The following PKN2 variants were observed in gnomAD, a reference collection of about 807,000 sequenced individuals.
The protein encoded by PKN2 is serine/threonine-protein kinase N2.
Under a neutral mutation model 119.1 loss-of-function variants are expected in PKN2, and 38 were observed. The ratio of observed to expected loss-of-function variants is 0.32; its 90% CI spans 0.25 to 0.42. The LOEUF is 0.42. Among genes scored for constraint, PKN2 ranks in the 10% least tolerant of loss-of-function variants. PKN2 has a pLI of 1.00. For missense variants in PKN2, 850 were observed against 1,165.1 expected (o/e 0.73, Z 3.94); for synonymous variants, 390 against 384.9 (o/e 1.01, Z -0.15).
intron 1 of PKN2, among the ~76,000 whole-genome samples, chr1:88,708,816 G>A (rs1209252131): frequency 2.6e-5 from 4 of 151,752 alleles, no homozygotes; most frequent in Admixed American, 2.6e-4. Context: ...TGTAATATAT[G>A]TCACATTTTG....
intron 1 of PKN2, among the ~76,000 whole-genome samples, chr1:88,731,326 A>T (rs1163405744): frequency 1.3e-5 from 2 of 152,258 alleles, no homozygotes; most frequent in East Asian, 3.8e-4. Context: ...TTGGATTAGG[A>T]TGAAATTAGA....
At chr1:88,817,408 CAA>C (rs531465698) in intron 16 of PKN2, among the ~76,000 whole-genome samples, 22 of 84,702 alleles carry the variant, frequency 2.6e-4, no homozygotes, top group South Asian at 4.5e-4. Flanking sequence ...GACTCTGTCT[CAA>C]AAAAAAAAAA....
chr1:88,748,212 A>G (rs957109956), intron 2 of PKN2, among the ~76,000 whole-genome samples: 7 of 152,208 alleles, frequency 4.6e-5, no homozygotes, highest in Non-Finnish European at 4.4e-5. Context: ...AATAGTTCCA[A>G]TGCCCTATAC....
intron 1 of PKN2, among the ~76,000 whole-genome samples, chr1:88,723,854 G>T (rs1396535219): frequency 6.6e-6 from 1 of 152,150 alleles, no homozygotes; most frequent in African/African-American, 2.4e-5. Context: ...AGGATACTGA[G>T]CATATACACC....
At chr1:88,810,434 T>A (rs1296908198) in intron 15 of PKN2, among the ~76,000 whole-genome samples, 2 of 151,840 alleles carry the variant, frequency 1.3e-5, no homozygotes, top group Non-Finnish European at 2.9e-5. Flanking sequence ...GACTAGCATA[T>A]TTTTAAAAGT....
rs137936997 is a variant in PKN2, at chr1:88,755,314, A to T, written c.350-4908A>T. On this transcript the variant is annotated intron_variant, in intron 2 of 21. Transcript: ENST00000370521. The stretch of plus-strand genomic sequence containing the variant: ...ATTGGAGAGAAGAAAAGCAGTGTGT[A>T]GGAAGGCAGGTTAAAGAGGAAAATA... Among the ~76,000 whole-genome samples, 513 of 152,334 alleles carry T rather than the reference A, an allele frequency of 3.4e-3. 4 individuals are homozygous for T. Among genetic ancestry groups the T allele is most frequent in the African/African-American group, 0.012 (490 of 41,576 alleles).
At position 88,735,874 on chromosome 1, in the gene PKN2, C is replaced by T. The variant is rs536840876; in HGVS notation, c.49-5114C>T. Among the ~76,000 whole-genome samples, 6 of 152,134 alleles carry T rather than the reference C, an allele frequency of 3.9e-5. No homozygotes were observed. In the South Asian group the frequency reaches 1.2e-3, roughly 32 times the overall value. On this transcript the variant is annotated intron_variant, in intron 1 of 21. Transcript: ENST00000370521. ...CTGTACCTGGATAATTTGTATCTTT[C>T]TCTAGTTTTGGGAAGTTTTGTGTTA... is the stretch of plus-strand genomic sequence containing the variant.
chr1:88,828,924 CTAA>C (rs1466386434), intron 19 of PKN2: 6 of 623,618 alleles, frequency 9.6e-6, no homozygotes, highest in Non-Finnish European at 1.8e-5. Context: ...AACAGAAAGA[CTAA>C]TAAAAGGAAT....
intron 3 of PKN2, among the ~76,000 whole-genome samples, chr1:88,763,832 G>A (rs145478293): frequency 1.4e-4 from 21 of 152,188 alleles, no homozygotes; most frequent in East Asian, 3.9e-4. Context: ...TTCTTAGATC[G>A]GTTATGTGGA....
chr1:88,801,736 A>G (rs1431103336), intron 8 of PKN2, among the ~76,000 whole-genome samples: 3 of 152,260 alleles, frequency 2.0e-5, no homozygotes, highest in Non-Finnish European at 4.4e-5. Context: ...AGGATCTCTC[A>G]GCAAGGCAAT....
At position 88,726,068 on chromosome 1, in the gene PKN2, G is replaced by A. The variant is rs537703450; in HGVS notation, c.49-14920G>A. ...TGGCTCTTGTATTCTGTGATTTTGC[G>A]AACTCACTTATTGTAGATGTTTTCT... On this transcript the variant is annotated intron_variant, in intron 1 of 21. Transcript: ENST00000370521. Among the ~76,000 whole-genome samples the A allele has an allele frequency of 3.3e-5, 5 of 152,188 alleles. No individual in the cohort carries two copies. In the South Asian group the frequency reaches 1.0e-3, roughly 32 times the overall value.
In PKN2 at chr1:88,716,031, A is replaced by G. The variant is rs370428816; in HGVS notation, c.49-24957A>G. Among the ~76,000 whole-genome samples the G allele has an allele frequency of 4.8e-4, 73 of 152,160 alleles. 3 individuals carry two copies. The South Asian group carries it at 0.015, about 32-fold the overall frequency. On this transcript the variant is annotated intron_variant, in intron 1 of 21. Transcript: ENST00000370521. ...GGTTTCAAATAACTTGTTTATTTCTACCTTAATTTTTGTTATTTACCCAGT... is the reference window on the plus strand; with the variant it reads ...GGTTTCAAATAACTTGTTTATTTCTGCCTTAATTTTTGTTATTTACCCAGT...
chr1:88,820,776 T>C (rs908348808), intron 16 of PKN2, among the ~76,000 whole-genome samples: 2 of 152,140 alleles, frequency 1.3e-5, no homozygotes, highest in South Asian at 4.1e-4. Flanking sequence ...AGAGAAAATA[T>C]TCATGTTATT....
intron 1 of PKN2, among the ~76,000 whole-genome samples, chr1:88,695,964 G>C (rs993609450): frequency 6.6e-6 from 1 of 151,166 alleles, no homozygotes; most frequent in Non-Finnish European, 1.5e-5. Context: ...TTCTGTCTCA[G>C]TTATTCTGTT....
chr1:88,764,349 A>G (rs61409436), intron 3 of PKN2, among the ~76,000 whole-genome samples: 2,955 of 152,234 alleles, frequency 0.019, 94 homozygotes, highest in African/African-American at 0.066. Context: ...CTTCACTACT[A>G]TCCTAAGATA....
At chr1:88,725,147 G>C (rs1667849290) in intron 1 of PKN2, among the ~76,000 whole-genome samples, 1 of 152,034 alleles carries the variant, frequency 6.6e-6, no homozygotes. Flanking sequence ...AGAACATTGG[G>C]TTATTTCCAG....
At chr1:88,821,570 CT>C in intron 16 of PKN2, among the ~76,000 whole-genome samples, 1 of 152,284 alleles carries the variant, frequency 6.6e-6, no homozygotes, top group South Asian at 2.1e-4. Context: ...CATGTTACGC[CT>C]TTTGCACCTC....
At chr1:88,733,224 G>A (rs538384454) in intron 1 of PKN2, among the ~76,000 whole-genome samples, 15 of 152,170 alleles carry the variant, frequency 9.9e-5, no homozygotes, top group South Asian at 2.1e-4. Flanking sequence ...GGGATTTATC[G>A]GATCATGTGG....
chr1:88,697,422 G>C (rs1557545935), intron 1 of PKN2, among the ~76,000 whole-genome samples: 1 of 152,096 alleles, frequency 6.6e-6, no homozygotes, highest in South Asian at 2.1e-4. Context: ...TTATTTGACT[G>C]TTGCTTCAGT....
Sources: allele counts gnomAD v4.1 joint callset (sites outside exome capture counted in the v4.1 genomes callset), GRCh38; gene constraint gnomAD v4.1.1; transcripts MANE v1.5; gene names NCBI Gene and HGNC (gene_info 2026-07-23, HGNC 2026-07-21).